OSBPL7: variants seen among roughly 807,000 people sequenced by gnomAD.
OSBPL7 encodes oxysterol binding protein like 7, also known as oxysterol-binding protein-related protein 7.
OSBPL7 carries 66 observed loss-of-function variants against 115.8 expected under a neutral mutation model. That is an observed-to-expected ratio of 0.57 (90% CI 0.47 to 0.70). The LOEUF is 0.70. Ranked by LOEUF, OSBPL7 falls within the 30% of genes least tolerant of loss-of-function variation. The probability of loss-of-function intolerance (pLI) is 0.00; values close to 1 mark genes in which losing one functional copy is unlikely to be tolerated. For synonymous variants in OSBPL7, 441 were observed against 439.2 expected (o/e 1.00, Z -0.05); for missense variants, 902 against 1,125.5 (o/e 0.80, Z 2.84).
rs1247838167 is a variant in OSBPL7 at position 47,808,626 on chromosome 17, C to A, written c.2332G>T (p.Ala778Ser). The change falls in exon 22 of 23, where the codon GCC becomes TCC. Residue 778 changes from alanine (A) to serine (S), a missense_variant. Around this residue, in one of 3 missense-constraint regions of OSBPL7, gnomAD observed 230 missense variants for 312.7 expected, o/e 0.74. Transcript: ENST00000007414. This position sits in a 1 kb window ranked among gnomAD's most constrained non-coding sequence, Gnocchi z 6.1. ...LEEGNIQAAEAQKRRIEQLQR... is the reference protein window; with the variant it reads ...LEEGNIQAAESQKRRIEQLQR... ...AGCTGCTCGATCCTTCTCTTCTGGG[C>A]CTCAGCGGCCTGTATGTTCCCCTCC... 6.2e-6 allele frequency: 10 copies of A among 1,614,218 alleles called. No homozygotes were observed. Among genetic ancestry groups the A allele is most frequent in the African/African-American group, 1.3e-5 (1 of 75,056 alleles).
chr17:47,814,542 C>T lies in OSBPL7; in HGVS notation c.1330G>A (p.Gly444Arg). ...GCACCTTTCTGACAGCGCTCAGCTC[C>T]CCTGAGGTCCAGCATCTCCTCAGAC... Reference protein sequence around the residue: ...SLSEEMLDLRGAERCQKGGCV... With the variant: ...SLSEEMLDLRRAERCQKGGCV... Residue 444 changes from glycine (G) to arginine (R), a missense_variant, in exon 14 of 23, where the codon GGA becomes AGA. By Grantham distance (125) the Gly-to-Arg change is moderately radical. This residue lies in a region of OSBPL7 where 667 missense variants were observed against 788.7 expected (regional missense o/e 0.85). Transcript: ENST00000007414. 6.2e-7 allele frequency: 1 copy of T among 1,613,818 alleles called. No homozygotes were observed. The highest frequency in any genetic ancestry group is 8.5e-7 in the Non-Finnish European group (1 of 1,179,912).
rs2032914388 is a variant in OSBPL7 at position 47,808,168 on chromosome 17, C to T, written c.*123G>A. 3 of 723,310 alleles carry T rather than the reference C, an allele frequency of 4.1e-6. No homozygotes were observed. The highest frequency in any genetic ancestry group is 3.4e-5 in the South Asian group (2 of 58,558). The allele number at this position is 723,310 out of a possible 1,614,324, so 44.8% of individuals were successfully genotyped here. On this transcript the variant is annotated 3_prime_UTR_variant, in exon 23 of 23. Transcript: ENST00000007414. This position sits in a 1 kb window ranked among gnomAD's most constrained non-coding sequence, Gnocchi z 6.1. ...CTGGCCAGCAGAGGGGAGGGAGGGCCAGGGCTGCCCCTTTGGTCTCAAGGG... is the reference window on the plus strand; with the variant it reads ...CTGGCCAGCAGAGGGGAGGGAGGGCTAGGGCTGCCCCTTTGGTCTCAAGGG...
intron 14 of OSBPL7, 128 bp downstream of exon 14, chr17:47,814,393 G>C: frequency 1.2e-6 from 1 of 825,956 alleles, no homozygotes; most frequent in Non-Finnish European, 1.9e-6. Context: ...AGCTCCTGGG[G>C]TCAGCATCCA....
intron 13 of OSBPL7, 171 bp downstream of exon 13, chr17:47,815,044 A>G: frequency 2.3e-6 from 2 of 858,160 alleles, no homozygotes; most frequent in Non-Finnish European, 3.5e-6. Flanking sequence ...AGTCCCTAGC[A>G]GAGATTTCTG....
At chr17:47,817,390 C>G in intron 7 of OSBPL7, 31 bp from the exon 8 acceptor site, 1 of 1,513,338 alleles carries the variant, frequency 6.6e-7, no homozygotes, top group Non-Finnish European at 9.0e-7. Context: ...AACAAGAACA[C>G]CATTCATTTT....
chr17:47,817,228 G>T, intron 8 of OSBPL7, 28 bp downstream of exon 8: 1 of 1,544,602 alleles, frequency 6.5e-7, no homozygotes, highest in Non-Finnish European at 8.8e-7. Flanking sequence ...GGCCTGAGCA[G>T]GACCCTGTGT....
chr17:47,816,461 A>G lies in OSBPL7; in HGVS notation c.950T>C (p.Val317Ala). Reference sequence around the variant, plus strand: ...CCGTTCCATGGTGAGGGCGGCCAGGACGCTGCTGAGGGAGCTGTGCACTAC... The same window carrying G: ...CCGTTCCATGGTGAGGGCGGCCAGGGCGCTGCTGAGGGAGCTGTGCACTAC... ...AQKVHSSLSS[V>A]LAALTMERDQ... Residue 317 changes from valine to alanine, a missense_variant, in exon 11 of 23, where the codon GTC becomes GCC. Physicochemically the swap from Val to Ala is moderately conservative, Grantham distance 64. This residue lies in a region of OSBPL7 where 667 missense variants were observed against 788.7 expected (regional missense o/e 0.85). Transcript: ENST00000007414. The surrounding 1 kb of genome is among the most constrained non-coding windows in gnomAD (Gnocchi z 5.8). 6.5e-7 allele frequency: 1 copy of G among 1,546,178 alleles called. No individual in the cohort carries two copies. Among genetic ancestry groups the G allele is most frequent in the Non-Finnish European group, 8.7e-7 (1 of 1,144,310 alleles).
Position 47,816,065 on chromosome 17 carries a change from G to A in OSBPL7, c.1119+42C>T, listed in dbSNP as rs374356169. The A allele has an allele frequency of 9.3e-6, 14 of 1,503,464 alleles. No homozygotes were observed. In the African/African-American group the frequency reaches 2.0e-4, roughly 21 times the overall value. 93.1% of individuals were successfully genotyped at this position (1,503,464 alleles called of 1,614,324 possible). A position where few individuals can be genotyped will look rare whatever the true frequency, so the allele number is the denominator to read the frequency against. On this transcript the variant is annotated intron_variant, in intron 12 of 22. Coordinates refer to ENST00000007414, the MANE Select transcript of OSBPL7 (RefSeq NM_145798.3). This position sits in a 1 kb window ranked among gnomAD's most constrained non-coding sequence, Gnocchi z 5.8. ...GCCTTGGCTTTCGCTGGGAGAGAAG[G>A]CACAGGAGAATCGGCCCCCACAGCC...
At chr17:47,814,348 T>C (rs1401863143) in intron 14 of OSBPL7, among the ~76,000 whole-genome samples, 173 bp downstream of exon 14, 1 of 152,234 alleles carries the variant, frequency 6.6e-6, no homozygotes, top group Non-Finnish European at 1.5e-5. Context: ...GAGCTGCTCC[T>C]GGAACATTTC....
rs749676841 is a variant in OSBPL7 at position 47,816,528 on chromosome 17, C to A, written c.928+35G>T. 3 of 1,588,008 alleles carry A rather than the reference C, an allele frequency of 1.9e-6. No homozygotes were observed. The highest frequency in any genetic ancestry group is 2.3e-5 in the East Asian group (1 of 43,582). ...CATCAGAGTCCTCGCTCGCTCCTGT[C>A]CGCTCCCCACCAGCCCCTCCCAGCA... On this transcript the variant is annotated intron_variant, in intron 10 of 22. Transcript: ENST00000007414. The surrounding 1 kb of genome is among the most constrained non-coding windows in gnomAD (Gnocchi z 5.8).
intron 13 of OSBPL7, 172 bp from the exon 14 acceptor site, chr17:47,814,786 G>A (rs1173169877): frequency 3.1e-6 from 2 of 635,558 alleles, no homozygotes; most frequent in East Asian, 2.8e-5. Context: ...TGGCATCACG[G>A]AGTGTGCCCA....
chr17:47,812,227 C>G (rs949222746), intron 16 of OSBPL7, among the ~76,000 whole-genome samples: 4 of 152,232 alleles, frequency 2.6e-5, no homozygotes, highest in African/African-American at 9.6e-5. Flanking sequence ...GGGAACCTTC[C>G]TCACGCAGGA....
rs1400395867 is a variant in OSBPL7 at position 47,809,188 on chromosome 17, C to T, written c.2058G>A (p.Val686=). 2 of 1,614,176 alleles carry T rather than the reference C, an allele frequency of 1.2e-6. No individual in the cohort carries two copies. The highest frequency in any genetic ancestry group is 2.2e-5 in the East Asian group (1 of 44,888). ...CACTCCGACTGAGCACAGCGCCCTG[C>T]ACCTCGTGGACATTGGAACTCCAGT... ...AKYWSSNVHE[V]QGAVLSRSGR... Residue 686 remains valine, a synonymous_variant, in exon 20 of 23, where the codon GTG becomes GTA. Coordinates refer to ENST00000007414, the MANE Select transcript of OSBPL7 (RefSeq NM_145798.3).
rs2032972715 is a variant in OSBPL7 at position 47,809,608 on chromosome 17, G to T, written c.1881-130C>A. 5.9e-6 allele frequency: 6 copies of T among 1,009,662 alleles called. No individual in the cohort carries two copies. In the Admixed American group the frequency reaches 7.8e-5, roughly 13 times the overall value. The allele number at this position is 1,009,662 out of a possible 1,614,324, so 62.5% of individuals were successfully genotyped here. ...ACCCTGGGGTCCCAACTCCAGTTCT[G>T]CAGTGAAGGATGACTTATATTCACA... On this transcript the variant is annotated intron_variant, in intron 18 of 22. Coordinates refer to ENST00000007414, the MANE Select transcript of OSBPL7 (RefSeq NM_145798.3).
intron 15 of OSBPL7, 24 bp from the exon 16 acceptor site, chr17:47,813,427 G>A: frequency 1.2e-6 from 2 of 1,613,318 alleles, no homozygotes; most frequent in Non-Finnish European, 1.7e-6. Flanking sequence ...GGAAGGTGCA[G>A]GGTACTGAGG....
chr17:47,814,964 G>T, intron 13 of OSBPL7: 1 of 570,864 alleles, frequency 1.8e-6, no homozygotes, highest in Non-Finnish European at 3.1e-6. Flanking sequence ...AGATGACCGG[G>T]GTTGCAACTA....
rs769658510 is a variant in OSBPL7, at chr17:47,808,633, G to T, written c.2325C>A (p.Ala775=). 6.2e-7 allele frequency: 1 copy of T among 1,614,194 alleles called. No individual in the cohort carries two copies. The highest frequency in any genetic ancestry group is 8.5e-7 in the Non-Finnish European group (1 of 1,180,044). Residue 775 remains alanine, a synonymous_variant, in exon 22 of 23, where the codon GCC becomes GCA. Transcript: ENST00000007414. This position sits in a 1 kb window ranked among gnomAD's most constrained non-coding sequence, Gnocchi z 6.1. ...QRYLEEGNIQ[A]AEAQKRRIEQ... ...CGATCCTTCTCTTCTGGGCCTCAGC[G>T]GCCTGTATGTTCCCCTCCTCCAGGT...
chr17:47,808,622 T>C lies in OSBPL7; in HGVS notation c.2336A>G (p.Gln779Arg). Residue 779 changes from glutamine (Q) to arginine (R), a missense_variant, in exon 22 of 23, where the codon CAG becomes CGG. Gln to Arg is a conservative substitution (Grantham distance 43). Coordinates refer to ENST00000007414, the MANE Select transcript of OSBPL7 (RefSeq NM_145798.3). This position sits in a 1 kb window ranked among gnomAD's most constrained non-coding sequence, Gnocchi z 6.1. ...EEGNIQAAEA[Q>R]KRRIEQLQRD... The stretch of plus-strand genomic sequence containing the variant: ...CTGCAGCTGCTCGATCCTTCTCTTC[T>C]GGGCCTCAGCGGCCTGTATGTTCCC... 6.2e-7 allele frequency: 1 copy of C among 1,614,212 alleles called. No individual in the cohort carries two copies. Among genetic ancestry groups the C allele is most frequent in the Non-Finnish European group, 8.5e-7 (1 of 1,180,034 alleles).
intron 16 of OSBPL7, among the ~76,000 whole-genome samples, chr17:47,811,544 C>A (rs377740329): frequency 6.6e-6 from 1 of 152,196 alleles, no homozygotes; most frequent in South Asian, 2.1e-4. Flanking sequence ...AACACAGACA[C>A]GACCCACACT....
Sources: allele counts gnomAD v4.1 joint callset (sites outside exome capture counted in the v4.1 genomes callset), GRCh38; gene constraint gnomAD v4.1.1; regional missense constraint gnomAD v4.1.1; non-coding constraint Gnocchi (gnomAD v3.1); transcripts MANE v1.5; gene names NCBI Gene and HGNC (gene_info 2026-07-23, HGNC 2026-07-21).